The following DENND2C variants were observed in gnomAD, a reference collection of about 807,000 sequenced individuals.
The protein encoded by DENND2C is DENN domain-containing protein 2C.
DENND2C carries 72 observed loss-of-function variants against 112.4 expected under a neutral mutation model. That is an observed-to-expected ratio of 0.64 (90% CI 0.53 to 0.78). The LOEUF (loss-of-function observed/expected upper bound fraction) is 0.78. DENND2C is among the 30% of genes least tolerant of loss of function. The pLI is 0.00. For missense variants in DENND2C, 992 were observed against 1,113.8 expected, an observed-to-expected ratio of 0.89 and a Z score of 1.56; for synonymous variants, 329 against 381.6, an observed-to-expected ratio of 0.86 and a Z score of 1.61.
chr1:114,592,236 G>C (rs1474516008), intron 18 of DENND2C, among the ~76,000 whole-genome samples: 3 of 151,934 alleles, frequency 2.0e-5, no homozygotes, highest in African/African-American at 7.3e-5. Context: ...ACACAACGCT[G>C]GCTCTGACAC....
At chr1:114,638,762 C>CAAAAAAAAAAAAAAAAAGAAAAA (rs1656725677) in intron 3 of DENND2C, among the ~76,000 whole-genome samples, 1 of 84,164 alleles carries the variant, frequency 1.2e-5, no homozygotes, top group African/African-American at 4.4e-5. Flanking sequence ...GACCTTGTCT[C>CAAAAAAAAAAAAAAAAAGAAAAA]AAAAAAAAAA....
At position 114,625,249 on chromosome 1, in the gene DENND2C, A is replaced by G. The variant is rs1181219408; in HGVS notation, c.736T>C (p.Ser246Pro). The G allele has an allele frequency of 6.2e-7, 1 of 1,613,946 alleles. No individual in the cohort carries two copies. The highest frequency in any genetic ancestry group is 1.3e-5 in the African/African-American group (1 of 74,918). ...GGTTCCTGAGAAGAGGCCAAAGAAG[A>G]TTGTGCACAAGAGTTATTTTCACAG... ...KYCENNSCAQ[S>P]SLASSQEPEP... The change falls in exon 4 of 21, where the codon TCT becomes CCT. Residue 246 changes from serine to proline, a missense_variant. By Grantham distance (74) the Ser-to-Pro change is moderately conservative. Around this residue, in one of 3 missense-constraint regions of DENND2C, gnomAD observed 470 missense variants for 472.7 expected, o/e 0.99. Coordinates refer to ENST00000393274, the MANE Select transcript of DENND2C (RefSeq NM_001256404.2).
At chr1:114,592,129 C>T (rs2101641271) in intron 18 of DENND2C, among the ~76,000 whole-genome samples, 1 of 152,152 alleles carries the variant, frequency 6.6e-6, no homozygotes, top group Middle Eastern at 3.4e-3. Context: ...AAGTGATCTG[C>T]CCACCTCCGC....
At chr1:114,654,160 C>T (rs887093769) in intron 2 of DENND2C, among the ~76,000 whole-genome samples, 2 of 152,148 alleles carry the variant, frequency 1.3e-5, no homozygotes, top group Non-Finnish European at 2.9e-5. Context: ...AGGCCAGACA[C>T]GGTGGCTCAT....
intron 17 of DENND2C, chr1:114,595,554 T>C (rs376671320): frequency 1.2e-5 from 4 of 325,830 alleles, no homozygotes; most frequent in African/African-American, 2.2e-5. Flanking sequence ...TAGAGGCTTA[T>C]GTGTCGACCC....
Position 114,625,399 on chromosome 1 carries a change from A to G in DENND2C, c.586T>C (p.Ser196Pro), listed in dbSNP as rs774918970. 18 of 1,614,134 alleles carry G rather than the reference A, an allele frequency of 1.1e-5. No individual in the cohort carries two copies. Among genetic ancestry groups the G allele is most frequent in the Non-Finnish European group, 1.5e-5 (18 of 1,180,022 alleles). The change falls in exon 4 of 21, where the codon TCT (serine) becomes CCT (proline). Residue 196 changes from serine (S) to proline (P), a missense_variant. Ser to Pro is a moderately conservative substitution (Grantham distance 74, BLOSUM62 -1). This residue lies in a region of DENND2C where 470 missense variants were observed against 472.7 expected (regional missense o/e 0.99). Coordinates refer to ENST00000393274, the MANE Select transcript of DENND2C (RefSeq NM_001256404.2). ...GITKSLENIY[S>P]EPEGQECGPS... Reference sequence around the variant, plus strand: ...CCACATTCTTGCCCCTCAGGTTCAGAGTAAATATTTTCTAAGCTCTTGGTT... The same window carrying G: ...CCACATTCTTGCCCCTCAGGTTCAGGGTAAATATTTTCTAAGCTCTTGGTT...
chr1:114,648,503 T>A (rs1017406429), intron 2 of DENND2C, among the ~76,000 whole-genome samples: 26 of 152,320 alleles, frequency 1.7e-4, no homozygotes, highest in Middle Eastern at 6.8e-3. Context: ...TAAGGCTGTA[T>A]AAGAGAAGAA....
At chr1:114,645,892 G>A (rs1010456223) in intron 2 of DENND2C, among the ~76,000 whole-genome samples, 1 of 151,656 alleles carries the variant, frequency 6.6e-6, no homozygotes, top group African/African-American at 2.4e-5. Context: ...ATCAAATTTT[G>A]TCTGCAAATC....
At position 114,654,568 on chromosome 1, in the gene DENND2C, A is replaced by C. The variant is rs372103451; in HGVS notation, c.-380T>G. On this transcript the variant is annotated 5_prime_UTR_variant, in exon 2 of 21. Transcript: ENST00000393274. ...TCATACAGAGTATTGTGAGAATTAA[A>C]ACAGCAAGAACAGTGATTACACTTC... The C allele has an allele frequency of 9.2e-5, 14 of 152,238 alleles. No homozygotes were observed. The highest frequency in any genetic ancestry group is 7.2e-4 in the Admixed American group (11 of 15,280). The allele number at this position is 152,238 out of a possible 1,614,324, so 9.4% of individuals were successfully genotyped here.
intron 1 of DENND2C, among the ~76,000 whole-genome samples, chr1:114,660,882 G>A (rs1304881618): frequency 6.6e-6 from 1 of 152,048 alleles, no homozygotes; most frequent in East Asian, 1.9e-4. Flanking sequence ...GGAGGCCGAG[G>A]CAGGCAGATC....
rs57202953 is a variant in DENND2C at position 114,651,276 on chromosome 1, TACACAC to T, written c.-317+3223_-317+3228del. Among the ~76,000 whole-genome samples the T allele has an allele frequency of 1.7e-4, 24 of 139,366 alleles. No individual in the cohort carries two copies. In the East Asian group the frequency reaches 2.8e-3, roughly 16 times the overall value. The allele number at this position is 139,366 out of a possible 152,430, so 91.4% of individuals were successfully genotyped here. On this transcript the variant is annotated intron_variant, in intron 2 of 20. Transcript: ENST00000393274. ...AACACAGTGAGACCTTCCCTACACA[TACACAC>T]ACACACACACACACACACACACACG...
intron 1 of DENND2C, among the ~76,000 whole-genome samples, chr1:114,665,096 G>T (rs889620299): frequency 6.6e-6 from 1 of 151,210 alleles, no homozygotes; most frequent in African/African-American, 2.4e-5. Flanking sequence ...TCTGTCTCAA[G>T]AAAAATAAAA....
chr1:114,599,461 G>A lies in DENND2C; in HGVS notation c.2106-10C>T. ...ACATTTTGACAGGGTGCTAGCCAGA[G>A]GAGAAAACAAATGGTGTCATATATA... On this transcript the variant is annotated splice_polypyrimidine_tract_variant and intron_variant, in intron 15 of 20. Transcript: ENST00000393274. 6.2e-7 allele frequency: 1 copy of A among 1,607,258 alleles called. No homozygotes were observed.
intron 1 of DENND2C, among the ~76,000 whole-genome samples, chr1:114,658,058 T>C (rs1657382334): frequency 6.6e-6 from 1 of 152,320 alleles, no homozygotes; most frequent in Non-Finnish European, 1.5e-5. Context: ...GGCTATACAC[T>C]GATGAACTTT....
intron 1 of DENND2C, among the ~76,000 whole-genome samples, chr1:114,663,066 TTC>T (rs1657542038): frequency 6.6e-6 from 1 of 152,228 alleles, no homozygotes; most frequent in Non-Finnish European, 1.5e-5. Flanking sequence ...TTAAATTTTT[TTC>T]TCTTATCATC....
In DENND2C at chr1:114,618,476, A is replaced by G; in HGVS notation, c.1234T>C (p.Leu412=). The G allele has an allele frequency of 6.4e-7, 1 of 1,564,924 alleles. No homozygotes were observed. Among genetic ancestry groups the G allele is most frequent in the Non-Finnish European group, 8.6e-7 (1 of 1,157,658 alleles). ...TKRKNLPRLV[L]KIDDIFESKR... The stretch of plus-strand genomic sequence containing the variant: ...GATTCAAATATGTCATCTATTTTCA[A>G]TACAAGCTGAAAAAAGACCAGAAAA... Residue 412 remains leucine (L), a synonymous_variant, in exon 8 of 21, where the codon TTG becomes CTG. Coordinates refer to ENST00000393274, the MANE Select transcript of DENND2C (RefSeq NM_001256404.2).
At chr1:114,595,928 A>T in intron 16 of DENND2C, 55 bp from the exon 17 acceptor site, 1 of 1,501,368 alleles carries the variant, frequency 6.7e-7, no homozygotes. Context: ...AGACAAATAC[A>T]GGCAATGAGA....
intron 3 of DENND2C, among the ~76,000 whole-genome samples, chr1:114,643,615 TAA>T (rs1189914571): frequency 1.3e-5 from 2 of 152,136 alleles, no homozygotes; most frequent in African/African-American, 4.8e-5. Flanking sequence ...TATAAGTAAC[TAA>T]AAATGGTTCC....
chr1:114,598,019 A>G (rs2101645983), intron 16 of DENND2C, among the ~76,000 whole-genome samples: 1 of 152,332 alleles, frequency 6.6e-6, no homozygotes, highest in South Asian at 2.1e-4. Flanking sequence ...ACTCTCATAC[A>G]CTGTTGAAGG....
Sources: gnomAD v4.1 joint callset for allele counts (sites outside exome capture counted in the v4.1 genomes callset) on GRCh38, gnomAD v4.1.1 for gene constraint, gnomAD v4.1.1 regional missense constraint, MANE v1.5 for transcripts, NCBI Gene and HGNC (gene_info 2026-07-23, HGNC 2026-07-21) for gene names.